The following SV2B variants were observed in gnomAD, a reference collection of about 807,000 sequenced individuals.
SV2B encodes the protein solute carrier family 22 member B2.
SV2B carries 41 observed loss-of-function variants against 73.9 expected under a neutral mutation model. That is an observed-to-expected ratio of 0.56 (90% CI 0.43 to 0.72). The LOEUF (loss-of-function observed/expected upper bound fraction) is 0.72. Among genes scored for constraint, SV2B ranks in the 30% least tolerant of loss-of-function variants. The pLI is 0.00. For missense variants in SV2B, 764 were observed against 857.8 expected (o/e 0.89, Z 1.37); for synonymous variants, 314 against 314.2 (o/e 1.00, Z 0.01).
chr15:91,204,646 C>A (rs754792830), intron 1 of SV2B, among the ~76,000 whole-genome samples: 2 of 151,244 alleles, frequency 1.3e-5, no homozygotes, highest in Admixed American at 6.6e-5. Flanking sequence ...AGCCTTGAAC[C>A]TCCTGGGCTC....
intron 1 of SV2B, among the ~76,000 whole-genome samples, chr15:91,218,279 G>A (rs2046101659): frequency 6.6e-6 from 1 of 152,192 alleles, no homozygotes; most frequent in Non-Finnish European, 1.5e-5. Context: ...TTTCATCTCT[G>A]TGTCCCTGTG....
At chr15:91,210,687 C>A (rs907370622) in intron 1 of SV2B, among the ~76,000 whole-genome samples, 2 of 152,186 alleles carry the variant, frequency 1.3e-5, no homozygotes, top group African/African-American at 4.8e-5. Context: ...AGGAAGAGAT[C>A]AAATTTCCAG....
rs1041691823 is a variant in SV2B at position 91,223,792 on chromosome 15, G to C, written c.-391-2081G>C. On this transcript the variant is annotated intron_variant, in intron 1 of 12. Coordinates refer to ENST00000394232, the MANE Select transcript of SV2B (RefSeq NM_001323032.3). This position sits in a 1 kb window ranked among gnomAD's most constrained non-coding sequence, Gnocchi z 4.6. ...ACTGGAGATGGTGAAAAATCGGAAA[G>C]AGTAGAGTGCGAATCATTTCTTAGT... Among the ~76,000 whole-genome samples the C allele has an allele frequency of 1.3e-5, 2 of 152,232 alleles. No homozygotes were observed. Among genetic ancestry groups the C allele is most frequent in the Admixed American group, 1.3e-4 (2 of 15,284 alleles).
At position 91,265,478 on chromosome 15, in the gene SV2B, A is replaced by G. The variant is rs957925485; in HGVS notation, c.1009-1104A>G. ...CAAAGGAAGACTGTTATTTTCCCCA[A>G]GGAGCAAAGAAAGGAAAAACTGACA... is the stretch of plus-strand genomic sequence containing the variant. On this transcript the variant is annotated intron_variant, in intron 6 of 12. Coordinates refer to ENST00000394232, the MANE Select transcript of SV2B (RefSeq NM_001323032.3). The surrounding 1 kb of genome is among the most constrained non-coding windows in gnomAD (Gnocchi z 4.2). Among the ~76,000 whole-genome samples, 3 of 152,236 alleles carry G rather than the reference A, an allele frequency of 2.0e-5. No individual in the cohort carries two copies. The highest frequency in any genetic ancestry group is 4.4e-5 in the Non-Finnish European group (3 of 68,040).
At chr15:91,160,289 G>A (rs2892182) in intron 1 of SV2B, among the ~76,000 whole-genome samples, 9,923 of 152,050 alleles carry the variant, frequency 0.065, 433 homozygotes, top group Non-Finnish European at 0.09. Context: ...GAAGAATAAC[G>A]AAATGATAAT....
rs2047863460 is a variant in SV2B, at chr15:91,260,346, G to A, written c.945G>A (p.Met315Ile). The A allele has an allele frequency of 6.2e-7, 1 of 1,612,906 alleles. No homozygotes were observed. Among genetic ancestry groups the A allele is most frequent in the Non-Finnish European group, 8.5e-7 (1 of 1,179,676 alleles). ...LEMGKHDEAW[M>I]ILKQVHDTNM... ...TGGGCAAACATGATGAAGCCTGGAT[G>A]ATTCTCAAGCAAGTCCATGACACCA... The change falls in exon 6 of 13, where the codon ATG (methionine) becomes ATA (isoleucine). Residue 315 changes from methionine to isoleucine, a missense_variant. Met to Ile is a conservative substitution (Grantham distance 10, BLOSUM62 1). Transcript: ENST00000394232.
chr15:91,262,921 A>G (rs2047962247), intron 6 of SV2B, among the ~76,000 whole-genome samples: 1 of 152,274 alleles, frequency 6.6e-6, no homozygotes, highest in Admixed American at 6.5e-5. Flanking sequence ...GCCTCGTTCC[A>G]TGGCCAGAGG....
At chr15:91,188,881 C>T (rs2044885909) in intron 1 of SV2B, among the ~76,000 whole-genome samples, 1 of 151,978 alleles carries the variant, frequency 6.6e-6, no homozygotes, top group Non-Finnish European at 1.5e-5. Flanking sequence ...GGCAGGAGTG[C>T]AGTGGTGCAA....
At chr15:91,256,004 A>G (rs193253873) in intron 4 of SV2B, among the ~76,000 whole-genome samples, 1 of 152,336 alleles carries the variant, frequency 6.6e-6, no homozygotes, top group Admixed American at 6.5e-5. Context: ...AGTAAAGGGA[A>G]GTCTTGGCAC....
At chr15:91,188,935 T>C (rs145908020) in intron 1 of SV2B, among the ~76,000 whole-genome samples, 1 of 152,028 alleles carries the variant, frequency 6.6e-6, no homozygotes, top group East Asian at 1.9e-4. Context: ...CAGGTGATTC[T>C]CTAGCCTCGG....
intron 1 of SV2B, among the ~76,000 whole-genome samples, chr15:91,210,876 G>T (rs2045830714): frequency 6.6e-6 from 1 of 152,214 alleles, no homozygotes; most frequent in African/African-American, 2.4e-5. Flanking sequence ...TAAAATATCT[G>T]TTCACTGGAC....
chr15:91,165,235 G>A (rs1296737529), intron 1 of SV2B, among the ~76,000 whole-genome samples: 3 of 152,148 alleles, frequency 2.0e-5, no homozygotes, highest in Admixed American at 6.5e-5. Context: ...TACCTGGAAG[G>A]CTAGAGAATC....
intron 1 of SV2B, among the ~76,000 whole-genome samples, chr15:91,182,584 C>G (rs992661698): frequency 2.0e-5 from 3 of 152,188 alleles, no homozygotes; most frequent in African/African-American, 4.8e-5. Flanking sequence ...GAGCCCCACA[C>G]TTTACCAGGA....
chr15:91,182,553 C>G (rs2044620566), intron 1 of SV2B, among the ~76,000 whole-genome samples: 1 of 152,146 alleles, frequency 6.6e-6, no homozygotes, highest in African/African-American at 2.4e-5. Context: ...CTCTTGAAGG[C>G]CAGTCAGCTG....
intron 4 of SV2B, among the ~76,000 whole-genome samples, chr15:91,256,426 A>G (rs909187592): frequency 4.6e-5 from 7 of 152,194 alleles, no homozygotes; most frequent in Admixed American, 2.0e-4. Flanking sequence ...GAAGCAGAAT[A>G]CTTTATAAAG....
rs2042422151 is a variant in SV2B, at chr15:91,124,463, C to G, written c.-392+24100C>G. ...GAGCCTGGAGGGGGAAATGTGCATT[C>G]CTTACTTCACAAGACAGAATTTCAG... On this transcript the variant is annotated intron_variant, in intron 1 of 12. Transcript: ENST00000394232. This position sits in a 1 kb window ranked among gnomAD's most constrained non-coding sequence, Gnocchi z 4.6. 6.6e-6 allele frequency among the ~76,000 whole-genome samples: 1 copy of G among 152,082 alleles called. No homozygotes were observed. The highest frequency in any genetic ancestry group is 2.1e-4 in the South Asian group (1 of 4,820).
At position 91,265,559 on chromosome 15, in the gene SV2B, G is replaced by C. The variant is rs376612648; in HGVS notation, c.1009-1023G>C. The stretch of plus-strand genomic sequence containing the variant: ...TGGTTTTTAAGGTGCTTCCTGAGTT[G>C]ATGTTAACTTCCCCTGTAGCCTCCT... On this transcript the variant is annotated intron_variant, in intron 6 of 12. Transcript: ENST00000394232. The surrounding 1 kb of genome is among the most constrained non-coding windows in gnomAD (Gnocchi z 4.2). Among the ~76,000 whole-genome samples, 10 of 152,186 alleles carry C rather than the reference G, an allele frequency of 6.6e-5. No homozygotes were observed. The highest frequency in any genetic ancestry group is 2.4e-4 in the African/African-American group (10 of 41,444).
At chr15:91,291,840 T>G (rs72750218) in intron 12 of SV2B, among the ~76,000 whole-genome samples, 4 of 152,208 alleles carry the variant, frequency 2.6e-5, no homozygotes, top group Non-Finnish European at 5.9e-5. Context: ...TCTTGGGAAC[T>G]GCTGCCACTT....
At chr15:91,113,927 C>T (rs2042105267) in intron 1 of SV2B, among the ~76,000 whole-genome samples, 1 of 152,078 alleles carries the variant, frequency 6.6e-6, no homozygotes, top group Non-Finnish European at 1.5e-5. Context: ...GGTGCCTTCC[C>T]ACTGGACTAT....
Sources: allele counts gnomAD v4.1 joint callset (sites outside exome capture counted in the v4.1 genomes callset), GRCh38; gene constraint gnomAD v4.1.1; non-coding constraint Gnocchi (gnomAD v3.1); transcripts MANE v1.5; gene names NCBI Gene and HGNC (gene_info 2026-07-23, HGNC 2026-07-21).